Variants in STK31 observed in about 807,000 individuals in gnomAD.
STK31 encodes the protein serine/threonine-protein kinase 31.
STK31 carries 89 observed loss-of-function variants against 129.7 expected under a neutral mutation model. The ratio of observed to expected loss-of-function variants is 0.69; its 90% CI spans 0.58 to 0.82. STK31 has a LOEUF of 0.82. STK31 is among the 40% of genes least tolerant of loss of function. The pLI is 0.00. For missense variants in STK31, 1,187 were observed against 1,176.4 expected, an observed-to-expected ratio of 1.01 and a Z score of -0.13; for synonymous variants, 448 against 395.3, an observed-to-expected ratio of 1.13 and a Z score of -1.58.
chr7:23,784,096 G>A (rs1056005470), intron 17 of STK31, among the ~76,000 whole-genome samples: 1 of 152,120 alleles, frequency 6.6e-6, no homozygotes, highest in Admixed American at 6.6e-5. Context: ...ATGTTGAGGT[G>A]GGTATGGTTT....
chr7:23,815,681 T>A (rs1371617840), intron 23 of STK31, among the ~76,000 whole-genome samples: 1 of 152,116 alleles, frequency 6.6e-6, no homozygotes, highest in Non-Finnish European at 1.5e-5. Flanking sequence ...GTGATTAACA[T>A]CTATAAGTTG....
chr7:23,819,294 A>G (rs1412138607), intron 23 of STK31, among the ~76,000 whole-genome samples: 1 of 152,236 alleles, frequency 6.6e-6, no homozygotes, highest in Non-Finnish European at 1.5e-5. Context: ...ATATTTACTG[A>G]ATGTCTGCTA....
Position 23,735,807 on chromosome 7 carries a change from C to G in STK31, c.753C>G (p.Thr251=). 2 of 1,614,116 alleles carry G rather than the reference C, an allele frequency of 1.2e-6. No homozygotes were observed. Among genetic ancestry groups the G allele is most frequent in the Non-Finnish European group, 1.7e-6 (2 of 1,180,010 alleles). The change falls in exon 7 of 24, where the codon ACC becomes ACG. Residue 251 remains threonine, a synonymous_variant. Coordinates refer to ENST00000355870, the MANE Select transcript of STK31 (RefSeq NM_031414.5). ...PLWGHRSNQS[T]FSRPKGHLSE... is the part of the protein sequence containing the mutation. ...GGGGGCATAGATCAAACCAGTCAAC[C>G]TTCAGCAGGCCCAAGGGGCACTTAA...
At chr7:23,749,200 G>A (rs927261857) in intron 8 of STK31, among the ~76,000 whole-genome samples, 1 of 152,146 alleles carries the variant, frequency 6.6e-6, no homozygotes, top group Non-Finnish European at 1.5e-5. Context: ...ATGATGCGTA[G>A]CATATTAATC....
At chr7:23,810,646 A>T (rs58139779) in intron 22 of STK31, among the ~76,000 whole-genome samples, 98,380 of 129,636 alleles carry the variant, frequency 0.76, 37,991 homozygotes, top group African/African-American at 0.88. Context: ...AAAATATATA[A>T]ATTATATATA....
Position 23,832,172 on chromosome 7 carries a change from T to C in STK31, c.2866T>C (p.Cys956Arg), listed in dbSNP as rs753213619. 1.1e-5 allele frequency: 18 copies of C among 1,614,006 alleles called. No homozygotes were observed. The highest frequency in any genetic ancestry group is 2.2e-5 in the South Asian group (2 of 91,054). ...CAAATCCCTCCTCTGTAGCTTGATATGTTATAGAAGTTCAATGACTGCTGA... is the reference window on the plus strand; with the variant it reads ...CAAATCCCTCCTCTGTAGCTTGATACGTTATAGAAGTTCAATGACTGCTGA... ...KVKSLLCSLI[C>R]YRSSMTAEQV... Residue 956 changes from cysteine (C) to arginine (R), a missense_variant, in exon 24 of 24, where the codon TGT becomes CGT. Cys to Arg is a radical substitution (Grantham distance 180). This residue lies in a region of STK31 where 975 missense variants were observed against 934.9 expected (regional missense o/e 1.04). Coordinates refer to ENST00000355870, the MANE Select transcript of STK31 (RefSeq NM_031414.5).
chr7:23,760,080 T>C (rs1789366972), intron 10 of STK31, among the ~76,000 whole-genome samples: 1 of 152,218 alleles, frequency 6.6e-6, no homozygotes, highest in Non-Finnish European at 1.5e-5. Flanking sequence ...TTTACATAAA[T>C]TCTTTATTAG....
intron 4 of STK31, chr7:23,722,509 C>T (rs938079799): frequency 1.3e-5 from 2 of 152,628 alleles, no homozygotes; most frequent in African/African-American, 2.4e-5. Context: ...TGGGGGGTGC[C>T]TCCCAGTTAG....
chr7:23,820,476 G>C (rs1434917994), intron 23 of STK31, among the ~76,000 whole-genome samples: 1 of 152,202 alleles, frequency 6.6e-6, no homozygotes, highest in Non-Finnish European at 1.5e-5. Flanking sequence ...GTTAATGACA[G>C]TCGGTATTTA....
chr7:23,747,506 A>G (rs1193677780), intron 8 of STK31, among the ~76,000 whole-genome samples: 1 of 152,028 alleles, frequency 6.6e-6, no homozygotes, highest in Non-Finnish European at 1.5e-5. Flanking sequence ...AGCAGCTGGG[A>G]CTACAGGCGC....
intron 11 of STK31, among the ~76,000 whole-genome samples, chr7:23,763,550 C>T (rs1254735236): frequency 6.6e-6 from 1 of 151,972 alleles, no homozygotes; most frequent in Non-Finnish European, 1.5e-5. Flanking sequence ...AGTCCTCATG[C>T]TTTTTTCTTC....
intron 8 of STK31, among the ~76,000 whole-genome samples, chr7:23,743,214 A>G (rs575094004): frequency 6.6e-6 from 1 of 152,196 alleles, no homozygotes; most frequent in East Asian, 1.9e-4. Context: ...TCGGCCTCCC[A>G]AAGTGCTGGG....
chr7:23,810,354 C>G (rs1793009691), intron 22 of STK31, among the ~76,000 whole-genome samples: 1 of 151,236 alleles, frequency 6.6e-6, no homozygotes, highest in East Asian at 1.9e-4. Context: ...TCTTGCTGAT[C>G]TCTGTCTTTT....
intron 22 of STK31, among the ~76,000 whole-genome samples, chr7:23,806,579 T>C (rs931374687): frequency 2.6e-5 from 4 of 152,172 alleles, no homozygotes; most frequent in Admixed American, 6.5e-5. Context: ...GAACTCATTA[T>C]TGTAGAATTG....
intron 23 of STK31, among the ~76,000 whole-genome samples, chr7:23,826,963 A>G (rs142986017): frequency 0.14 from 20,650 of 151,718 alleles, 2,288 homozygotes; most frequent in African/African-American, 0.31. Flanking sequence ...TGAGAGATTC[A>G]CTGTTAGTCT....
chr7:23,787,143 G>C (rs1276297255), intron 20 of STK31, among the ~76,000 whole-genome samples: 2 of 152,196 alleles, frequency 1.3e-5, no homozygotes, highest in African/African-American at 2.4e-5. Flanking sequence ...CCGTTAGCCA[G>C]AGGTAGAGCT....
intron 10 of STK31, among the ~76,000 whole-genome samples, 178 bp downstream of exon 10, chr7:23,754,652 C>T (rs973574946): frequency 5.9e-5 from 9 of 152,158 alleles, no homozygotes; most frequent in Non-Finnish European, 1.2e-4. Context: ...CTCCCTCACC[C>T]CCCCATTTCC....
intron 22 of STK31, among the ~76,000 whole-genome samples, chr7:23,794,165 A>G (rs2128116322): frequency 6.6e-6 from 1 of 152,284 alleles, no homozygotes; most frequent in East Asian, 1.9e-4. Flanking sequence ...CAAATCTCAC[A>G]TTGAATTGTA....
chr7:23,723,580 T>C (rs1163904456), intron 4 of STK31, among the ~76,000 whole-genome samples: 1 of 152,226 alleles, frequency 6.6e-6, no homozygotes. Flanking sequence ...AATCAGCTAC[T>C]TCTGATTGTT....
Sources: allele counts gnomAD v4.1 joint callset (sites outside exome capture counted in the v4.1 genomes callset), GRCh38; gene constraint gnomAD v4.1.1; regional missense constraint gnomAD v4.1.1; transcripts MANE v1.5; gene names NCBI Gene and HGNC (gene_info 2026-07-23, HGNC 2026-07-21).